B9D1: variants seen among roughly 807,000 people sequenced by gnomAD.
B9D1 encodes the protein B9 domain-containing protein 1.
A neutral mutation model predicts 26.1 loss-of-function variants in B9D1; 20 were observed. The observed-to-expected ratio is 0.77, with a 90% confidence interval of 0.54 to 1.12. The LOEUF is 1.12. B9D1 is among the 50% of genes most tolerant of loss of function. B9D1 has a pLI of 0.00. For synonymous variants in B9D1, 105 were observed against 103.1 expected (o/e 1.02, Z -0.11); for missense variants, 260 against 273.7 (o/e 0.95, Z 0.35).
At position 19,362,559 on chromosome 17, in the gene B9D1, G is replaced by C. The variant is rs148563865; in HGVS notation, c.11C>G (p.Ala4Gly). The change falls in exon 1 of 7, where the codon GCG becomes GGG. Residue 4 changes from alanine (A) to glycine (G), a missense_variant. Coordinates refer to ENST00000261499, the MANE Select transcript of B9D1 (RefSeq NM_015681.6). Reference protein sequence around the residue: MATASPSVFLLMVN... With the variant: MATGSPSVFLLMVN... Reference sequence around the variant, plus strand: ...CATGAGTAGAAAGACGCTAGGACTCGCGGTCGCCATGGCAGGTCTGGGGGT... The same window carrying C: ...CATGAGTAGAAAGACGCTAGGACTCCCGGTCGCCATGGCAGGTCTGGGGGT... 52 of 1,589,592 alleles carry C rather than the reference G, an allele frequency of 3.3e-5. No individual in the cohort carries two copies. The African/African-American group carries it at 6.4e-4, about 20-fold the overall frequency.
intron 5 of B9D1, chr17:19,346,924 C>T: frequency 1.4e-6 from 2 of 1,452,754 alleles, no homozygotes; most frequent in South Asian, 1.4e-5. Context: ...ATTACTGTTC[C>T]AAGGTGTCTG....
At chr17:19,344,418 C>T in intron 5 of B9D1, 2 of 231,240 alleles carry the variant, frequency 8.6e-6, no homozygotes, top group South Asian at 8.3e-5. Flanking sequence ...GGGCGGCACA[C>T]AGCCACCAGG....
In B9D1 at chr17:19,347,800, G is replaced by A. The variant is rs1377833011; in HGVS notation, c.325C>T (p.Pro109Ser). Residue 109 changes from proline (P) to serine (S), a missense_variant, in exon 4 of 7, where the codon CCC becomes TCC. By Grantham distance (74) the Pro-to-Ser change is moderately conservative. Transcript: ENST00000261499. The surrounding 1 kb of genome is among the most constrained non-coding windows in gnomAD (Gnocchi z 4.3). ...VVRGYGAVHV[P>S]FSPGRHKRTI... is the part of the protein sequence containing the mutation. ...AGGACCTACCGGCCAGGTGAGAAGG[G>A]CACGTGCACGGCCCCATAGCCTCGA... 6.8e-6 allele frequency: 11 copies of A among 1,613,990 alleles called. No homozygotes were observed. Among genetic ancestry groups the A allele is most frequent in the Non-Finnish European group, 9.3e-6 (11 of 1,179,978 alleles).
At chr17:19,338,890 T>TA (rs1279213404), downstream of B9D1, among the ~76,000 whole-genome samples, 1 of 152,206 alleles carries the variant, frequency 6.6e-6, no homozygotes, top group African/African-American at 2.4e-5. Context: ...TGATAAATGA[T>TA]AGTGGTTTTA....
upstream of B9D1, chr17:19,362,997 A>T: frequency 7.4e-6 from 2 of 270,202 alleles, no homozygotes. Flanking sequence ...CGCCCTCAGC[A>T]AGCCGAGTGT....
At position 19,347,840 on chromosome 17, in the gene B9D1, G is replaced by C. The variant is rs373478202; in HGVS notation, c.285C>G (p.Phe95Leu). ...IVLSVYGPDVFGNDVVRGYGA... is the reference protein window; with the variant it reads ...IVLSVYGPDVLGNDVVRGYGA... ...CATAGCCTCGAACCACATCGTTCCC[G>C]AACACATCTGGTCCATACACGCTGA... The change falls in exon 4 of 7, where the codon TTC becomes TTG. Residue 95 changes from phenylalanine to leucine, a missense_variant. By Grantham distance (22) the Phe-to-Leu change is conservative. Coordinates refer to ENST00000261499, the MANE Select transcript of B9D1 (RefSeq NM_015681.6). The surrounding 1 kb of genome is among the most constrained non-coding windows in gnomAD (Gnocchi z 4.3). The C allele has an allele frequency of 2.5e-6, 4 of 1,613,952 alleles. No homozygotes were observed. Among genetic ancestry groups the C allele is most frequent in the Non-Finnish European group, 3.4e-6 (4 of 1,180,022 alleles).
chr17:19,347,096 C>T lies in B9D1; in HGVS notation c.404+173G>A, dbSNP rs533726164. On this transcript the variant is annotated intron_variant, in intron 5 of 6. Coordinates refer to ENST00000261499, the MANE Select transcript of B9D1 (RefSeq NM_015681.6). The surrounding 1 kb of genome is among the most constrained non-coding windows in gnomAD (Gnocchi z 4.3). ...CCGGCCTTCTGCTGCTGGAACAGGG[C>T]TGAAGGGAGCCCCGTGACTCAGCAC... is the stretch of plus-strand genomic sequence containing the variant. 4 of 1,561,870 alleles carry T rather than the reference C, an allele frequency of 2.6e-6. No homozygotes were observed. The Admixed American group carries it at 7.8e-5, about 30-fold the overall frequency.
intron 3 of B9D1, among the ~76,000 whole-genome samples, chr17:19,348,491 C>G (rs1909160174): frequency 6.6e-6 from 1 of 152,186 alleles, no homozygotes. Flanking sequence ...GGCTCTGATC[C>G]TGCAGCCACG....
chr17:19,348,164 G>A (rs1369290564), intron 3 of B9D1, among the ~76,000 whole-genome samples: 3 of 152,124 alleles, frequency 2.0e-5, no homozygotes, highest in Admixed American at 1.3e-4. Flanking sequence ...TGTACAAGGA[G>A]GCACTTCCAG....
chr17:19,337,152 G>A (rs1198042725), downstream of B9D1, among the ~76,000 whole-genome samples: 2 of 152,370 alleles, frequency 1.3e-5, no homozygotes, highest in Non-Finnish European at 1.5e-5. Context: ...TGAGGCAACA[G>A]AGGGAGGGAG....
chr17:19,365,846 CTTTT>C (rs202162223), upstream of B9D1, among the ~76,000 whole-genome samples: 1 of 144,406 alleles, frequency 6.9e-6, no homozygotes, highest in African/African-American at 2.5e-5. This position sits in a 1 kb window ranked among gnomAD's most constrained non-coding sequence, Gnocchi z 5.0. Context: ...TGTAGCTATT[CTTTT>C]TTTTTTTTTA....
chr17:19,337,781 T>C, downstream of B9D1: 3 of 1,488,772 alleles, frequency 2.0e-6, no homozygotes, highest in Non-Finnish European at 2.7e-6. Context: ...GGGTCAAGCA[T>C]AGATTTCTTA....
At chr17:19,375,813 A>C (rs944970679) in intron 1 of B9D1, among the ~76,000 whole-genome samples, 4 of 152,204 alleles carry the variant, frequency 2.6e-5, no homozygotes, top group African/African-American at 9.7e-5. Flanking sequence ...TGAATTTGTA[A>C]AATGGTGCAA....
chr17:19,341,651 T>G (rs1907976543), downstream of B9D1, among the ~76,000 whole-genome samples: 1 of 152,006 alleles, frequency 6.6e-6, no homozygotes, highest in Admixed American at 6.6e-5. Context: ...AGAGAATGCA[T>G]GAGGGAGTTG....
At chr17:19,352,232 CT>C (rs1218348579) in intron 3 of B9D1, among the ~76,000 whole-genome samples, 2 of 152,166 alleles carry the variant, frequency 1.3e-5, no homozygotes. Flanking sequence ...TAAAAACCAA[CT>C]TTTGCCTCTT....
upstream of B9D1, among the ~76,000 whole-genome samples, chr17:19,367,271 A>AT (rs1911645297): frequency 7.2e-6 from 1 of 138,190 alleles, no homozygotes; most frequent in South Asian, 2.3e-4. Flanking sequence ...TTGTGTGTTT[A>AT]TTTTTTGAGA....
downstream of B9D1, among the ~76,000 whole-genome samples, chr17:19,342,703 C>T (rs1013163081): frequency 2.0e-5 from 3 of 152,158 alleles, no homozygotes; most frequent in Non-Finnish European, 4.4e-5. Flanking sequence ...CCCCAGCCAG[C>T]GGCCTCCCAC....
chr17:19,369,127 G>A (rs954240775), intron 1 of B9D1, among the ~76,000 whole-genome samples: 39 of 152,306 alleles, frequency 2.6e-4, no homozygotes, highest in African/African-American at 8.7e-4. Flanking sequence ...AAGAGCTAGC[G>A]AGGGATAGGG....
intron 5 of B9D1, 132 bp from the exon 6 acceptor site, chr17:19,343,989 G>A: frequency 7.2e-7 from 1 of 1,391,112 alleles, no homozygotes; most frequent in African/African-American, 1.4e-5. Flanking sequence ...CCCCCACCAG[G>A]AGTCAGGCCC....
Sources: gnomAD v4.1 joint callset for allele counts (sites outside exome capture counted in the v4.1 genomes callset) on GRCh38, gnomAD v4.1.1 for gene constraint, Gnocchi (gnomAD v3.1) non-coding constraint, MANE v1.5 for transcripts, NCBI Gene and HGNC (gene_info 2026-07-23, HGNC 2026-07-21) for gene names.